AZI2: variants seen among roughly 807,000 people sequenced by gnomAD.
The protein encoded by AZI2 is 5-azacytidine induced 2, also known as 5-azacytidine-induced protein 2.
A neutral mutation model predicts 45.8 loss-of-function variants in AZI2; 22 were observed. The ratio of observed to expected loss-of-function variants is 0.48; its 90% CI spans 0.34 to 0.69. AZI2 has a LOEUF of 0.69. Among genes scored for constraint, AZI2 ranks in the 30% least tolerant of loss-of-function variants. AZI2 has a pLI of 0.01. For synonymous variants in AZI2, 137 were observed against 156.7 expected, an observed-to-expected ratio of 0.87 and a Z score of 0.94; for missense variants, 417 against 441.5, an observed-to-expected ratio of 0.94 and a Z score of 0.50.
At chr3:28,336,672 G>GAGT (rs1703803977) in intron 5 of AZI2, 65 bp downstream of exon 5, 6 of 1,475,258 alleles carry the variant, frequency 4.1e-6, no homozygotes, top group Non-Finnish European at 5.6e-6. Context: ...TACAATCTTA[G>GAGT]TTATAAATCC....
intron 2 of AZI2, among the ~76,000 whole-genome samples, chr3:28,340,043 A>G (rs935217908): frequency 1.2e-4 from 19 of 152,102 alleles, no homozygotes; most frequent in African/African-American, 4.3e-4. Flanking sequence ...ACAATGTTCC[A>G]GAAGCTTCCT....
chr3:28,342,441 C>T (rs572525907), intron 1 of AZI2, among the ~76,000 whole-genome samples: 4 of 151,978 alleles, frequency 2.6e-5, no homozygotes, highest in South Asian at 2.1e-4. Context: ...AAAAAAGTGG[C>T]GGATTCTCAG....
intron 1 of AZI2, among the ~76,000 whole-genome samples, chr3:28,343,642 T>C (rs1014723422): frequency 2.6e-5 from 4 of 151,956 alleles, no homozygotes; most frequent in African/African-American, 9.7e-5. Flanking sequence ...TACAAAATCT[T>C]ATCAAACTCA....
chr3:28,330,012 T>C (rs1403971620), intron 6 of AZI2, among the ~76,000 whole-genome samples: 1 of 151,328 alleles, frequency 6.6e-6, no homozygotes, highest in Non-Finnish European at 1.5e-5. Flanking sequence ...CCTAATCTTT[T>C]TTTTTCTAAA....
At position 28,336,772 on chromosome 3, in the gene AZI2, C is replaced by G. The variant is rs201211825; in HGVS notation, c.553G>C (p.Asp185His). The change falls in exon 5 of 8, where the codon GAT (aspartate) becomes CAT (histidine). Residue 185 changes from aspartate (D) to histidine (H), a missense_variant. Transcript: ENST00000479665. ...GCTTTCTGTAGTTCTATTTTGAGAT[C>G]GCTACATTCTTTCCTCATCAGTTCC... ...ELELMRKECS[D>H]LKIELQKAKQ... The G allele has an allele frequency of 6.2e-7, 1 of 1,613,120 alleles. No individual in the cohort carries two copies. Among genetic ancestry groups the G allele is most frequent in the African/African-American group, 1.3e-5 (1 of 75,002 alleles).
intron 7 of AZI2, 127 bp downstream of exon 7, chr3:28,326,705 G>C (rs910311934): frequency 1.7e-5 from 13 of 785,852 alleles, no homozygotes; most frequent in Non-Finnish European, 3.0e-5. Context: ...TGGGTAGGCT[G>C]CGAATGTACT....
At chr3:28,343,663 G>A (rs1704117489) in intron 1 of AZI2, among the ~76,000 whole-genome samples, 1 of 151,902 alleles carries the variant, frequency 6.6e-6, no homozygotes, top group Non-Finnish European at 1.5e-5. Context: ...TCTCACAGAT[G>A]AGAAAACTGG....
chr3:28,331,655 G>GT lies in AZI2; in HGVS notation c.647+713dup, dbSNP rs1290975655. On this transcript the variant is annotated intron_variant, in intron 6 of 7. Coordinates refer to ENST00000479665, the MANE Select transcript of AZI2 (RefSeq NM_022461.5). ...CAATTCACATTATTTACTTAGGTCA[G>GT]TAAACTTTGGAAGCCAAATGATAAA... 5 of 1,261,012 alleles carry GT rather than the reference G, an allele frequency of 4.0e-6. No individual in the cohort carries two copies. In the African/African-American group the frequency reaches 7.6e-5, roughly 19 times the overall value. The allele number at this position is 1,261,012 out of a possible 1,614,324, so 78.1% of individuals were successfully genotyped here.
intron 1 of AZI2, chr3:28,348,077 C>CACGTAGT (rs1381302284): frequency 6.6e-6 from 1 of 152,174 alleles, no homozygotes; most frequent in Non-Finnish European, 1.5e-5. Flanking sequence ...GCCTACCTTG[C>CACGTAGT]ACGTAGTAGT....
At position 28,340,442 on chromosome 3, in the gene AZI2, T is replaced by C. The variant is rs778943495; in HGVS notation, c.176A>G (p.Asn59Ser). Residue 59 changes from asparagine to serine, a missense_variant, in exon 2 of 8, where the codon AAC (asparagine) becomes AGC (serine). Physicochemically the swap from Asn to Ser is conservative, Grantham distance 46. Transcript: ENST00000479665. The part of the protein sequence containing the change: ...KKRLKDSEKE[N>S]SLLKKRIRFL... Reference sequence around the variant, plus strand: ...TCTTATTCTCTTCTTTAACAAAGAGTTCTCTTTCTCTGAATCCTTAAGTCG... The same window carrying C: ...TCTTATTCTCTTCTTTAACAAAGAGCTCTCTTTCTCTGAATCCTTAAGTCG... The C allele has an allele frequency of 8.7e-6, 14 of 1,610,674 alleles. No individual in the cohort carries two copies. The highest frequency in any genetic ancestry group is 6.8e-6 in the Non-Finnish European group (8 of 1,177,686).
At chr3:28,337,407 C>A (rs1703834116) in intron 4 of AZI2, among the ~76,000 whole-genome samples, 1 of 152,086 alleles carries the variant, frequency 6.6e-6, no homozygotes, top group African/African-American at 2.4e-5. Context: ...ATCTCAATCT[C>A]CTATCAGAAG....
intron 1 of AZI2, among the ~76,000 whole-genome samples, chr3:28,346,517 A>G (rs572902205): frequency 6.6e-6 from 1 of 152,248 alleles, no homozygotes; most frequent in East Asian, 1.9e-4. Context: ...TGAGGCTCAA[A>G]GAGGTGAGGT....
intron 5 of AZI2, among the ~76,000 whole-genome samples, chr3:28,335,882 A>G (rs1303555853): frequency 6.6e-6 from 1 of 152,040 alleles, no homozygotes; most frequent in Admixed American, 6.6e-5. Context: ...GAAACATTAT[A>G]TAACTGGTTA....
chr3:28,334,015 G>T (rs549629020), intron 5 of AZI2, among the ~76,000 whole-genome samples: 2 of 150,942 alleles, frequency 1.3e-5, no homozygotes, highest in African/African-American at 2.4e-5. Context: ...CAGGATCAAT[G>T]GTTCTGAATA....
chr3:28,327,527 T>A (rs1237259834), intron 6 of AZI2, among the ~76,000 whole-genome samples: 1 of 150,966 alleles, frequency 6.6e-6, no homozygotes, highest in African/African-American at 2.4e-5. Flanking sequence ...GCACAAGACA[T>A]GAAGAGCCAG....
chr3:28,337,871 A>C (rs193249672), intron 4 of AZI2, 66 bp downstream of exon 4: 362 of 1,024,826 alleles, frequency 3.5e-4, no homozygotes, highest in Non-Finnish European at 1.1e-4. Flanking sequence ...AAAACTGTTG[A>C]TATTACAAAT....
chr3:28,326,897 T>C lies in AZI2; in HGVS notation c.701A>G (p.His234Arg), dbSNP rs1044172245. Residue 234 changes from histidine (H) to arginine (R), a missense_variant, in exon 7 of 8, where the codon CAT (histidine) becomes CGT (arginine). Coordinates refer to ENST00000479665, the MANE Select transcript of AZI2 (RefSeq NM_022461.5). ...WELKREMSNL[H>R]LVTQVQAELL... ...TTCAGCTTGTACTTGAGTCACCAGA[T>C]GTAAATTAGACATTTCTCTCTTCAG... is the stretch of plus-strand genomic sequence containing the variant. The C allele has an allele frequency of 1.9e-6, 3 of 1,608,424 alleles. No homozygotes were observed. In the African/African-American group the frequency reaches 4.0e-5, roughly 22 times the overall value.
intron 1 of AZI2, among the ~76,000 whole-genome samples, chr3:28,342,710 T>TGC (rs1491361305): frequency 4.0e-5 from 3 of 74,656 alleles, no homozygotes; most frequent in South Asian, 9.3e-4. Flanking sequence ...CTCTTACACA[T>TGC]GCACACACAC....
intron 5 of AZI2, 105 bp downstream of exon 5, chr3:28,336,632 A>T: frequency 8.2e-7 from 1 of 1,216,954 alleles, no homozygotes; most frequent in Non-Finnish European, 1.1e-6. Flanking sequence ...TCTCTAAATA[A>T]TTACAATTTA....
Sources: allele counts gnomAD v4.1 joint callset (sites outside exome capture counted in the v4.1 genomes callset), GRCh38; gene constraint gnomAD v4.1.1; transcripts MANE v1.5; gene names NCBI Gene and HGNC (gene_info 2026-07-23, HGNC 2026-07-21).